BRF1: variants seen among roughly 807,000 people sequenced by gnomAD.
BRF1 encodes BRF1 general transcription factor IIIB subunit, also known as transcription factor IIIB 90 kDa subunit.
BRF1 carries 59 observed loss-of-function variants against 81.7 expected under a neutral mutation model. The ratio of observed to expected loss-of-function variants is 0.72; its 90% CI spans 0.59 to 0.90. The LOEUF is 0.90. Ranked by LOEUF, BRF1 falls within the 40% of genes least tolerant of loss-of-function variation. BRF1 has a pLI of 0.00. For synonymous variants in BRF1, 491 were observed against 395.6 expected, an observed-to-expected ratio of 1.24 and a Z score of -2.86; for missense variants, 1,050 against 936.3, an observed-to-expected ratio of 1.12 and a Z score of -1.58.
chr14:105,214,516 A>ACACCCCTGCATGGCC (rs1890735793), intron 15 of BRF1, among the ~76,000 whole-genome samples: 7 of 124,460 alleles, frequency 5.6e-5, no homozygotes, highest in African/African-American at 2.7e-4. Context: ...TCAGCTGCCC[A>ACACCCCTGCATGGCC]CACCCCTGCG....
At chr14:105,308,052 T>C (rs1269581272) in intron 1 of BRF1, among the ~76,000 whole-genome samples, 1 of 151,646 alleles carries the variant, frequency 6.6e-6, no homozygotes, top group Non-Finnish European at 1.5e-5. Flanking sequence ...TGCGTGGTGG[T>C]GCGTGCCTCT....
At chr14:105,223,335 G>A (rs587646054) in intron 10 of BRF1, among the ~76,000 whole-genome samples, 5 of 119,232 alleles carry the variant, frequency 4.2e-5, no homozygotes, top group African/African-American at 1.7e-4. Context: ...AGCCTCAAAC[G>A]TGCAATGTCC....
intron 15 of BRF1, among the ~76,000 whole-genome samples, chr14:105,215,510 C>T (rs900436216): frequency 2.0e-5 from 3 of 152,030 alleles, no homozygotes; most frequent in African/African-American, 7.3e-5. Context: ...AACGCACACA[C>T]GTACTGTGTG....
Position 105,220,355 on chromosome 14 carries a change from C to T in BRF1, c.1316-225G>A, listed in dbSNP as rs189208744. Among the ~76,000 whole-genome samples the T allele has an allele frequency of 9.5e-4, 144 of 152,338 alleles. 1 individual carries two copies. The highest frequency in any genetic ancestry group is 3.4e-3 in the African/African-American group (140 of 41,582). ...AAGCCAGCAGAACACTGAACTGAAG[C>T]TGCAAAGGAAAACCCCAGCACTTCT... On this transcript the variant is annotated intron_variant, in intron 11 of 17. Transcript: ENST00000547530.
intron 1 of BRF1, among the ~76,000 whole-genome samples, chr14:105,310,347 G>A (rs1023346849): frequency 1.3e-5 from 2 of 151,182 alleles, no homozygotes; most frequent in Non-Finnish European, 1.5e-5. Flanking sequence ...TGGCTAACAC[G>A]GTGAAACCCC....
At chr14:105,289,035 C>CA (rs751051126) in intron 1 of BRF1, among the ~76,000 whole-genome samples, 32,639 of 96,254 alleles carry the variant, frequency 0.34, 4,278 homozygotes, top group Middle Eastern at 0.41. Flanking sequence ...GACCCTGTCT[C>CA]AAAAAAAAAA....
intron 5 of BRF1, among the ~76,000 whole-genome samples, chr14:105,245,119 G>A (rs1001843830): frequency 6.6e-5 from 10 of 152,166 alleles, no homozygotes; most frequent in Non-Finnish European, 1.3e-4. Flanking sequence ...AGCACTTTGG[G>A]AGGCCGAGGC....
At position 105,307,519 on chromosome 14, in the gene BRF1, A is replaced by AT. The variant is rs1296458011; in HGVS notation, c.-162+7802dup. On this transcript the variant is annotated intron_variant, in intron 1 of 17. Transcript: ENST00000327359. ...CCCCTCCTCCTGGGAACTGTGAGTA[A>AT]TAAACTCCTCTTTCAAAGGCGGTTG... 5.3e-5 allele frequency among the ~76,000 whole-genome samples: 8 copies of AT among 152,214 alleles called. No homozygotes were observed. In the East Asian group the frequency reaches 1.5e-3, roughly 29 times the overall value.
upstream of BRF1, among the ~76,000 whole-genome samples, chr14:105,304,797 GAGA>G (rs1391126104): frequency 6.6e-6 from 1 of 152,260 alleles, no homozygotes; most frequent in Non-Finnish European, 1.5e-5. Context: ...AGCAGGGAGA[GAGA>G]GAGCTTCTGC....
At position 105,241,396 on chromosome 14, in the gene BRF1, G is replaced by A. The variant is rs587674292; in HGVS notation, c.563C>T (p.Pro188Leu). The A allele has an allele frequency of 6.2e-7, 1 of 1,612,470 alleles. No individual in the cohort carries two copies. The highest frequency in any genetic ancestry group is 1.1e-5 in the South Asian group (1 of 91,092). Residue 188 changes from proline (P) to leucine (L), a missense_variant, in exon 6 of 18, where the codon CCA becomes CTA. Physicochemically the swap from Pro to Leu is moderately conservative, Grantham distance 98. Around this residue, in one of 2 missense-constraint regions of BRF1, gnomAD observed 1,043 missense variants for 915.4 expected, o/e 1.14. Transcript: ENST00000547530. ...GAATTCCAGCAGGTGCGCAAAGCGT[G>A]GAATATACAGGCACGGGTCTGCGGC... The part of the protein sequence containing the change: ...APAIDPCLYI[P>L]RFAHLLEFGE...
upstream of BRF1, among the ~76,000 whole-genome samples, chr14:105,302,357 C>G (rs774215628): frequency 6.6e-6 from 1 of 151,588 alleles, no homozygotes; most frequent in Non-Finnish European, 1.5e-5. Flanking sequence ...GTATGCACCA[C>G]CACACCTGGC....
At chr14:105,211,894 C>T in intron 16 of BRF1, 2 of 638,612 alleles carry the variant, frequency 3.1e-6, no homozygotes, top group East Asian at 5.6e-5. Context: ...GCAGCAGGCA[C>T]ACAACGGTCC....
At chr14:105,258,949 A>T (rs2056022907) in intron 3 of BRF1, among the ~76,000 whole-genome samples, 1 of 152,230 alleles carries the variant, frequency 6.6e-6, no homozygotes, top group Non-Finnish European at 1.5e-5. Context: ...AGAAATGCAA[A>T]CAAAACTGTG....
chr14:105,222,147 A>G, intron 10 of BRF1: 1 of 473,996 alleles, frequency 2.1e-6, no homozygotes, highest in Non-Finnish European at 3.6e-6. Flanking sequence ...GACATTTCAG[A>G]CAAAAACGTA....
rs768902283 is a variant in BRF1 at position 105,211,202 on chromosome 14, T to C, written c.1916A>G (p.Asp639Gly). 18 of 1,611,992 alleles carry C rather than the reference T, an allele frequency of 1.1e-5. No homozygotes were observed. In the South Asian group the frequency reaches 2.0e-4, roughly 18 times the overall value. Residue 639 changes from aspartate (D) to glycine (G), a missense_variant, in exon 17 of 18, where the codon GAC becomes GGC. Physicochemically the swap from Asp to Gly is moderately conservative, Grantham distance 94. Around this residue, in one of 2 missense-constraint regions of BRF1, gnomAD observed 1,043 missense variants for 915.4 expected, o/e 1.14. Transcript: ENST00000547530. Reference sequence around the variant, plus strand: ...AGGCTCCTCCTCGTCAGCCTCCTCGTCGGCGTGGTATGACACGGGCCCGCT... The same window carrying C: ...AGGCTCCTCCTCGTCAGCCTCCTCGCCGGCGTGGTATGACACGGGCCCGCT... The part of the protein sequence containing the change: ...VESGPVSYHA[D>G]EEADEEEPDE...
At chr14:105,241,211 G>T (rs587654140) in intron 6 of BRF1, 54 bp downstream of exon 6, 21 of 1,594,728 alleles carry the variant, frequency 1.3e-5, no homozygotes, top group Non-Finnish European at 1.7e-5. Context: ...AGTCAGGAAA[G>T]TGTGAGGCCA....
chr14:105,219,689 A>C, intron 12 of BRF1: 1 of 401,976 alleles, frequency 2.5e-6, no homozygotes, highest in Non-Finnish European at 4.5e-6. Flanking sequence ...GCTGGTCCCA[A>C]TGGCTGGAAG....
chr14:105,228,772 T>G lies in BRF1; in HGVS notation c.788+48A>C, dbSNP rs587665882. 3.6e-5 allele frequency: 58 copies of G among 1,603,428 alleles called. No homozygotes were observed. The African/African-American group carries it at 6.5e-4, about 18-fold the overall frequency. ...TCTGGCAAGCAGGCCTGAGCTGGAC[T>G]GATGAAGCCTCTGTGTGGTCCCCAT... On this transcript the variant is annotated intron_variant, in intron 7 of 17. Coordinates refer to ENST00000547530, the MANE Select transcript of BRF1 (RefSeq NM_001519.4).
At chr14:105,263,725 AC>A (rs2056270950) in intron 3 of BRF1, among the ~76,000 whole-genome samples, 1 of 152,128 alleles carries the variant, frequency 6.6e-6, no homozygotes, top group Non-Finnish European at 1.5e-5. Context: ...GGAGATCGAG[AC>A]CATCCTGGCT....
Sources: gnomAD v4.1 joint callset for allele counts (sites outside exome capture counted in the v4.1 genomes callset) on GRCh38, gnomAD v4.1.1 for gene constraint, gnomAD v4.1.1 regional missense constraint, MANE v1.5 for transcripts, NCBI Gene and HGNC (gene_info 2026-07-23, HGNC 2026-07-21) for gene names.